TSPAN18: variants seen among roughly 807,000 people sequenced by gnomAD.
TSPAN18 encodes tetraspanin 18, also known as tetraspanin-18.
In TSPAN18, 14 loss-of-function variants were observed where a neutral mutation model predicts 27.3. That is an observed-to-expected ratio of 0.51 (90% confidence interval 0.34 to 0.80). TSPAN18 has a LOEUF of 0.80. Among genes scored for constraint, TSPAN18 ranks in the 30% least tolerant of loss-of-function variants. The pLI, the probability that TSPAN18 is intolerant of heterozygous loss-of-function variation, is 0.01. For missense variants in TSPAN18, 268 were observed against 323.9 expected (o/e 0.83, Z 1.32); for synonymous variants, 143 against 136.5 (o/e 1.05, Z -0.33).
chr11:44,732,827 T>C (rs1321784428), intron 1 of TSPAN18, among the ~76,000 whole-genome samples: 1 of 152,198 alleles, frequency 6.6e-6, no homozygotes, highest in Non-Finnish European at 1.5e-5. Flanking sequence ...AAAATCAGAA[T>C]AACAGCAACC....
chr11:44,907,884 A>G (rs1859512326), intron 4 of TSPAN18, among the ~76,000 whole-genome samples: 1 of 151,908 alleles, frequency 6.6e-6, no homozygotes, highest in Non-Finnish European at 1.5e-5. Context: ...TTGAAACCCC[A>G]TCTCTACTAA....
chr11:44,741,793 T>C (rs1236294072), intron 1 of TSPAN18, among the ~76,000 whole-genome samples: 1 of 152,186 alleles, frequency 6.6e-6, no homozygotes, highest in Non-Finnish European at 1.5e-5. Flanking sequence ...TTTCCTCATC[T>C]AGAAAAAAGG....
intron 2 of TSPAN18, among the ~76,000 whole-genome samples, chr11:44,857,243 G>A (rs1485336547): frequency 6.6e-6 from 1 of 152,234 alleles, no homozygotes; most frequent in African/African-American, 2.4e-5. Flanking sequence ...CCACTCTGTT[G>A]GTGGTCACTG....
chr11:44,842,918 C>G (rs528961356), intron 2 of TSPAN18, among the ~76,000 whole-genome samples: 45 of 152,174 alleles, frequency 3.0e-4, no homozygotes, highest in Admixed American at 2.7e-3. Flanking sequence ...TCCCTTTTCC[C>G]TCCCCCTTCC....
rs1315039171 is a variant in TSPAN18 at position 44,826,123 on chromosome 11, A to G, written c.-152-34205A>G. Among the ~76,000 whole-genome samples the G allele has an allele frequency of 3.3e-5, 5 of 152,264 alleles. No homozygotes were observed. In the South Asian group the frequency reaches 1.0e-3, roughly 31 times the overall value. ...GCAGAAAGGAAGGCTTTCCAGCAAC[A>G]GGCAAGGCTAAAAGAAGGGCCGGAC... On this transcript the variant is annotated intron_variant, in intron 2 of 9. Transcript: ENST00000520358.
intron 2 of TSPAN18, among the ~76,000 whole-genome samples, chr11:44,790,343 G>T (rs1486367813): frequency 6.6e-6 from 1 of 151,132 alleles, no homozygotes; most frequent in Non-Finnish European, 1.5e-5. Context: ...ATGTGTGCAT[G>T]TGTTGGTGTG....
intron 1 of TSPAN18, among the ~76,000 whole-genome samples, chr11:44,731,164 A>C (rs1854645655): frequency 6.6e-6 from 1 of 152,220 alleles, no homozygotes; most frequent in Admixed American, 6.5e-5. Flanking sequence ...AGGTAGCTGA[A>C]CTAGGCATTA....
chr11:44,766,644 CAGG>C (rs1855574273), intron 2 of TSPAN18, among the ~76,000 whole-genome samples: 1 of 152,190 alleles, frequency 6.6e-6, no homozygotes, highest in South Asian at 2.1e-4. Flanking sequence ...GGTTTACTTT[CAGG>C]AGGACAGCCC....
chr11:44,928,659 G>T (rs1860456490), intron 9 of TSPAN18, among the ~76,000 whole-genome samples: 1 of 152,192 alleles, frequency 6.6e-6, no homozygotes, highest in Non-Finnish European at 1.5e-5. Flanking sequence ...GGTGACGCAT[G>T]CCTGTAGTCC....
At chr11:44,762,349 A>G (rs4755290) in intron 1 of TSPAN18, among the ~76,000 whole-genome samples, 30,968 of 152,240 alleles carry the variant, frequency 0.2, 4,665 homozygotes, top group East Asian at 0.77. Context: ...GACAAATGAT[A>G]TTGCAGAATG....
intron 1 of TSPAN18, among the ~76,000 whole-genome samples, chr11:44,756,783 G>A (rs1855343110): frequency 6.6e-6 from 1 of 152,154 alleles, no homozygotes; most frequent in Admixed American, 6.5e-5. Flanking sequence ...CCATTGTGTA[G>A]ATAGACCACA....
intron 2 of TSPAN18, among the ~76,000 whole-genome samples, chr11:44,797,899 G>A (rs763181429): frequency 7.9e-5 from 12 of 152,296 alleles, no homozygotes; most frequent in Non-Finnish European, 1.8e-4. Flanking sequence ...GTTTAGGAAC[G>A]AGTGTGTACT....
Position 44,762,927 on chromosome 11 carries a change from A to G in TSPAN18, c.-239-1499A>G, listed in dbSNP as rs138210589. On this transcript the variant is annotated intron_variant, in intron 1 of 9. Transcript: ENST00000520358. ...TTACATCCCTCCCACTGTGAGGCGAACGTGATAACCACTACACTACGGAAA... is the reference window on the plus strand; with the variant it reads ...TTACATCCCTCCCACTGTGAGGCGAGCGTGATAACCACTACACTACGGAAA... Among the ~76,000 whole-genome samples, 104 of 152,228 alleles carry G rather than the reference A, an allele frequency of 6.8e-4. 1 individual carries two copies. Among genetic ancestry groups the G allele is most frequent in the African/African-American group, 2.4e-3 (100 of 41,526 alleles).
intron 3 of TSPAN18, among the ~76,000 whole-genome samples, chr11:44,881,669 G>A (rs1184965261): frequency 5.9e-5 from 9 of 152,148 alleles, no homozygotes; most frequent in Non-Finnish European, 8.8e-5. Flanking sequence ...GTTCAGACAC[G>A]CTCCACCTGC....
chr11:44,897,837 T>C lies in TSPAN18; in HGVS notation c.-10-8570T>C, dbSNP rs74930347. ...CCCGAAGAACTGCCCAGGTGACACA[T>C]TGGCAATAGCCTCTCCCTTCTCAGT... On this transcript the variant is annotated intron_variant, in intron 3 of 9. Coordinates refer to ENST00000520358, the MANE Select transcript of TSPAN18 (RefSeq NM_130783.5). 2.4e-3 allele frequency: 3,149 copies of C among 1,289,364 alleles called. 53 individuals are homozygous for C. The African/African-American group carries it at 0.043, about 17-fold the overall frequency. The allele number at this position is 1,289,364 out of a possible 1,614,324, so 79.9% of individuals were successfully genotyped here.
chr11:44,844,269 G>C (rs944135079), intron 2 of TSPAN18, among the ~76,000 whole-genome samples: 7 of 149,974 alleles, frequency 4.7e-5, no homozygotes, highest in Non-Finnish European at 1.0e-4. Flanking sequence ...ATGGACATTG[G>C]ATCGTTTCCT....
intron 2 of TSPAN18, among the ~76,000 whole-genome samples, chr11:44,794,311 G>C (rs931200810): frequency 6.6e-6 from 1 of 151,656 alleles, no homozygotes; most frequent in Non-Finnish European, 1.5e-5. Flanking sequence ...ATGTGTGGTT[G>C]TGTGTGTGTG....
intron 2 of TSPAN18, among the ~76,000 whole-genome samples, chr11:44,836,237 A>G (rs1565171155): frequency 6.6e-6 from 1 of 152,254 alleles, no homozygotes; most frequent in African/African-American, 2.4e-5. Context: ...AAGTTCTTGA[A>G]GGAAATTAAA....
chr11:44,897,814 C>T (rs772284277), intron 3 of TSPAN18: 9 of 1,289,278 alleles, frequency 7.0e-6, no homozygotes, highest in Non-Finnish European at 6.1e-6. Context: ...TGCTGATGCC[C>T]GAAGAACTGC....
Sources: gnomAD v4.1 joint callset for allele counts (sites outside exome capture counted in the v4.1 genomes callset) on GRCh38, gnomAD v4.1.1 for gene constraint, MANE v1.5 for transcripts, NCBI Gene and HGNC (gene_info 2026-07-23, HGNC 2026-07-21) for gene names.